The following BRWD3 variants were observed in gnomAD, a reference collection of about 807,000 sequenced individuals.
BRWD3 encodes the protein bromodomain and WD repeat-containing protein 3.
BRWD3 carries 10 observed loss-of-function variants against 149.7 expected under a neutral mutation model. That is an observed-to-expected ratio of 0.07 (90% CI 0.04 to 0.11). BRWD3 has a LOEUF of 0.11. Among genes scored for constraint, BRWD3 ranks in the 10% least tolerant of loss-of-function variants. BRWD3 has a pLI of 1.00. For synonymous variants in BRWD3, 504 were observed against 456.7 expected, an observed-to-expected ratio of 1.10 and a Z score of -1.32; for missense variants, 940 against 1,373.2, an observed-to-expected ratio of 0.68 and a Z score of 4.99.
At chrX:80,741,705 CTTCTT>C (rs1331268804) in intron 8 of BRWD3, among the ~76,000 whole-genome samples, 2 of 112,218 alleles carry the variant, frequency 1.8e-5, no homozygotes, top group Admixed American at 9.4e-5. Flanking sequence ...GCATAAATGT[CTTCTT>C]TTGAGAAGTG....
At position 80,744,131 on chromosome X, in the gene BRWD3, A is replaced by G; in HGVS notation, c.714T>C (p.Ala238=). ...MAVNYENTLI[A]AGSCDKVVRV... Reference sequence around the variant, plus strand: ...TTACTACCTTATCACAGCTGCCTGCAGCAATAAGAGTGTTTTCATAGTTAA... The same window carrying G: ...TTACTACCTTATCACAGCTGCCTGCGGCAATAAGAGTGTTTTCATAGTTAA... The change falls in exon 8 of 41, where the codon GCT becomes GCC. Residue 238 remains alanine (A), a synonymous_variant. Coordinates refer to ENST00000373275, the MANE Select transcript of BRWD3 (RefSeq NM_153252.5). 1.7e-6 allele frequency: 2 copies of G among 1,211,120 alleles called. No individual in the cohort carries two copies. Among genetic ancestry groups the G allele is most frequent in the Non-Finnish European group, 2.2e-6 (2 of 894,824 alleles).
chrX:80,775,253 C>G, intron 6 of BRWD3, among the ~76,000 whole-genome samples: 1 of 111,656 alleles, frequency 9.0e-6, no homozygotes, highest in East Asian at 2.8e-4. Context: ...TTTGCAGACT[C>G]CTGGCATAGA....
intron 22 of BRWD3, among the ~76,000 whole-genome samples, chrX:80,705,579 A>AAT (rs1400723012): frequency 2.7e-5 from 3 of 111,754 alleles, no homozygotes; most frequent in Non-Finnish European, 5.6e-5. Flanking sequence ...TCATTGTGTG[A>AAT]ATATCATACA....
chrX:80,712,746 C>T lies in BRWD3; in HGVS notation c.2326-3169G>A, dbSNP rs1270816121. Among the ~76,000 whole-genome samples the T allele has an allele frequency of 2.8e-4, 31 of 109,003 alleles. 3 individuals carry two copies. Among genetic ancestry groups the T allele is most frequent in the Admixed American group, 1.9e-3 (20 of 10,418 alleles). 94.7% of individuals were successfully genotyped at this position (109,003 alleles called of 115,157 possible). On this transcript the variant is annotated intron_variant, in intron 20 of 40. Transcript: ENST00000373275. ...CGCCCATCGTCTGAGATGTGGGGAG[C>T]GCCTCTGCCCTGCCGCCCCGTCTGG...
intron 14 of BRWD3, among the ~76,000 whole-genome samples, chrX:80,727,922 C>G (rs185752761): frequency 2.8e-3 from 318 of 111,915 alleles, no homozygotes; most frequent in Non-Finnish European, 5.2e-3. Flanking sequence ...CATGACAGGA[C>G]TCTGTCTAAT....
intron 22 of BRWD3, 62 bp from the exon 23 acceptor site, chrX:80,704,908 T>C (rs1262147850): frequency 5.7e-6 from 6 of 1,044,249 alleles, no homozygotes; most frequent in African/African-American, 5.6e-5. Context: ...TACTTAATAA[T>C]TGAAAGATCA....
At chrX:80,681,175 T>C (rs758573361) in intron 40 of BRWD3, among the ~76,000 whole-genome samples, 166 bp downstream of exon 40, 20 of 110,304 alleles carry the variant, frequency 1.8e-4, no homozygotes, top group African/African-American at 5.9e-4. Context: ...AATGGCCTGT[T>C]CCCAGTTATG....
At chrX:80,728,391 A>T (rs921790991) in intron 14 of BRWD3, among the ~76,000 whole-genome samples, 2 of 111,191 alleles carry the variant, frequency 1.8e-5, no homozygotes, top group Non-Finnish European at 3.8e-5. Context: ...CCTTGAAAAA[A>T]CTATGTAGGA....
At chrX:80,711,898 A>T (rs1203511970) in intron 20 of BRWD3, among the ~76,000 whole-genome samples, 1 of 111,569 alleles carries the variant, frequency 9.0e-6, no homozygotes, top group Admixed American at 9.5e-5. Context: ...AAATCCAACC[A>T]GTAGCCTGGC....
intron 19 of BRWD3, 29 bp from the exon 20 acceptor site, chrX:80,716,279 A>G (rs1350034563): frequency 9.5e-7 from 1 of 1,054,157 alleles, no homozygotes; most frequent in Admixed American, 2.2e-5. Flanking sequence ...TCAAAGTAAC[A>G]GAAAATCAAG....
chrX:80,755,453 TAATA>T (rs1022336547), intron 6 of BRWD3, among the ~76,000 whole-genome samples: 20 of 111,846 alleles, frequency 1.8e-4, no homozygotes, highest in Non-Finnish European at 3.6e-4. Flanking sequence ...AATTTACACC[TAATA>T]AATTAGCATT....
At chrX:80,684,192 G>T (rs1422106893) in intron 36 of BRWD3, 30 bp from the exon 37 acceptor site, 4 of 1,147,433 alleles carry the variant, frequency 3.5e-6, no homozygotes, top group Non-Finnish European at 3.6e-6. Flanking sequence ...ATTAAATACT[G>T]TATAGCAATA....
chrX:80,698,755 G>T (rs1259102666), intron 25 of BRWD3, among the ~76,000 whole-genome samples: 2 of 108,336 alleles, frequency 1.8e-5, no homozygotes, highest in Non-Finnish European at 3.8e-5. Context: ...TGAATCCTCT[G>T]ATTCTAAAAA....
chrX:80,705,735 A>G (rs2072854296), intron 22 of BRWD3, among the ~76,000 whole-genome samples: 1 of 112,079 alleles, frequency 8.9e-6, no homozygotes, highest in Non-Finnish European at 1.9e-5. Context: ...CTAAGTATAT[A>G]TCTACACAAT....
intron 4 of BRWD3, among the ~76,000 whole-genome samples, chrX:80,794,594 C>T (rs977688089): frequency 9.1e-6 from 1 of 109,770 alleles, no homozygotes; most frequent in Non-Finnish European, 1.9e-5. Context: ...ATTCCATATA[C>T]ATATGGAATC....
At position 80,735,140 on chromosome X, in the gene BRWD3, T is replaced by C. The variant is rs1430988447; in HGVS notation, c.972A>G (p.Ser324=). 2.5e-6 allele frequency: 3 copies of C among 1,204,078 alleles called. No homozygotes were observed. The highest frequency in any genetic ancestry group is 3.4e-6 in the Non-Finnish European group (3 of 888,656). The change falls in exon 10 of 41, where the codon TCA becomes TCG. Residue 324 remains serine, a synonymous_variant. Coordinates refer to ENST00000373275, the MANE Select transcript of BRWD3 (RefSeq NM_153252.5). Reference sequence around the variant, plus strand: ...TTTTACACATACCAGAACTGAAAGATGAACAAGATATCTGGACTCCAGGTC... The same window carrying C: ...TTTTACACATACCAGAACTGAAAGACGAACAAGATATCTGGACTCCAGGTC... ...RSRPGVQISC[S]SFSSGGMFIT...
intron 6 of BRWD3, among the ~76,000 whole-genome samples, chrX:80,782,309 G>A (rs1429335880): frequency 9.0e-6 from 1 of 111,584 alleles, no homozygotes; most frequent in Non-Finnish European, 1.9e-5. Context: ...CCCATATGCA[G>A]AAGAATGAAA....
intron 36 of BRWD3, among the ~76,000 whole-genome samples, chrX:80,685,098 G>C (rs973057652): frequency 2.7e-5 from 3 of 111,817 alleles, no homozygotes; most frequent in African/African-American, 6.5e-5. Context: ...GTTAGAACTT[G>C]TGTAGTATGA....
At position 80,676,802 on chromosome X, in the gene BRWD3, C is replaced by A. The variant is rs949388279; in HGVS notation, c.5216G>T (p.Gly1739Val). 1 of 1,211,222 alleles carries A rather than the reference C, an allele frequency of 8.3e-7. No homozygotes were observed. The highest frequency in any genetic ancestry group is 1.8e-5 in the South Asian group (1 of 56,974). Residue 1739 changes from glycine to valine, a missense_variant, in exon 41 of 41, where the codon GGA becomes GTA. By Grantham distance (109) the Gly-to-Val change is moderately radical. This residue lies in a region of BRWD3 where 349 missense variants were observed against 419.6 expected (regional missense o/e 0.83). Coordinates refer to ENST00000373275, the MANE Select transcript of BRWD3 (RefSeq NM_153252.5). ...ADDEFDTMFSGRFSRLPRIKT... is the reference protein window; with the variant it reads ...ADDEFDTMFSVRFSRLPRIKT... ...AATTCGAGGCAGTCTACTGAAACGT[C>A]CTGAAAACATGGTATCAAATTCATC... is the stretch of plus-strand genomic sequence containing the variant.
Sources: allele counts gnomAD v4.1 joint callset (sites outside exome capture counted in the v4.1 genomes callset), GRCh38; gene constraint gnomAD v4.1.1; regional missense constraint gnomAD v4.1.1; transcripts MANE v1.5; gene names NCBI Gene and HGNC (gene_info 2026-07-23, HGNC 2026-07-21).